TLN2: variants seen among roughly 807,000 people sequenced by gnomAD.
TLN2 encodes the protein talin 2, also known as talin-2.
A neutral mutation model predicts 294.7 loss-of-function variants in TLN2; 118 were observed. That is an observed-to-expected ratio of 0.40 (90% confidence interval 0.34 to 0.47). The LOEUF (loss-of-function observed/expected upper bound fraction) is 0.47. Among genes scored for constraint, TLN2 ranks in the 20% least tolerant of loss-of-function variants. The pLI, the probability that TLN2 is intolerant of heterozygous loss-of-function variation, is 0.84. For synonymous variants in TLN2, 1,431 were observed against 1,304.5 expected, an observed-to-expected ratio of 1.10 and a Z score of -2.09; for missense variants, 3,083 against 3,282.2, an observed-to-expected ratio of 0.94 and a Z score of 1.48.
chr15:62,474,891 C>G (rs1030351752), intron 1 of TLN2, among the ~76,000 whole-genome samples: 18 of 151,894 alleles, frequency 1.2e-4, no homozygotes, highest in Admixed American at 7.2e-4. Flanking sequence ...ATCTCACTCT[C>G]TTGACCCAGA....
intron 1 of TLN2, among the ~76,000 whole-genome samples, chr15:62,433,255 A>G (rs1266118152): frequency 2.0e-5 from 3 of 152,116 alleles, no homozygotes; most frequent in Non-Finnish European, 4.4e-5. Context: ...CCAGGGGACA[A>G]TCTGACACAG....
Position 62,797,395 on chromosome 15 carries a change from A to G in TLN2, c.6227A>G (p.Glu2076Gly). 1 of 1,602,776 alleles carries G rather than the reference A, an allele frequency of 6.2e-7. No homozygotes were observed. Among genetic ancestry groups the G allele is most frequent in the South Asian group, 1.1e-5 (1 of 90,204 alleles). Residue 2076 changes from glutamate (E) to glycine (G), a missense_variant, in exon 48 of 59, where the codon GAG becomes GGG. Physicochemically the swap from Glu to Gly is moderately conservative, Grantham distance 98 (BLOSUM62 -2). Transcript: ENST00000636159. ...GCCAGCCTGGGCTCCGACGACCCCG[A>G]GACCCAGGTACCAGCAGGGCCTGGG... is the stretch of plus-strand genomic sequence containing the variant. Reference protein sequence around the residue: ...GAASLGSDDPETQVVLINAIK... With the variant: ...GAASLGSDDPGTQVVLINAIK...
At position 62,752,290 on chromosome 15, in the gene TLN2, C is replaced by A. The variant is rs374240512; in HGVS notation, c.4210-15C>A. On this transcript the variant is annotated splice_polypyrimidine_tract_variant and intron_variant, in intron 34 of 58. Coordinates refer to ENST00000636159, the MANE Select transcript of TLN2 (RefSeq NM_015059.3). ...AATGCTGGATAGAGAATGTTGCTGG[C>A]CGTTTGTTTTGCAGGTTCTGGGTGA... 2 of 1,613,350 alleles carry A rather than the reference C, an allele frequency of 1.2e-6. No individual in the cohort carries two copies. Among genetic ancestry groups the A allele is most frequent in the East Asian group, 4.5e-5 (2 of 44,824 alleles).
chr15:62,792,493 A>C, intron 45 of TLN2, 148 bp from the exon 46 acceptor site: 1 of 1,106,318 alleles, frequency 9.0e-7, no homozygotes. Context: ...ACCAAATTCC[A>C]TACTTCACCA....
At chr15:62,433,198 G>A (rs551812546) in intron 1 of TLN2, among the ~76,000 whole-genome samples, 5 of 152,196 alleles carry the variant, frequency 3.3e-5, no homozygotes, top group South Asian at 2.1e-4. Context: ...CAGCCTGGGC[G>A]TTTCATTCAG....
intron 35 of TLN2, 65 bp downstream of exon 35, chr15:62,752,492 ACT>A (rs2061991476): frequency 6.4e-7 from 1 of 1,572,380 alleles, no homozygotes; most frequent in African/African-American, 1.4e-5. Flanking sequence ...GTGTGGGGGA[ACT>A]CCAGCTGCAC....
chr15:62,755,797 T>G lies in TLN2; in HGVS notation c.4638+104T>G, dbSNP rs1202362878. 5.6e-6 allele frequency: 8 copies of G among 1,416,052 alleles called. No individual in the cohort carries two copies. In the East Asian group the frequency reaches 1.7e-4, roughly 30 times the overall value. 87.7% of individuals were successfully genotyped at this position (1,416,052 alleles called of 1,614,324 possible). Reference sequence around the variant, plus strand: ...CACTCCTCTCCTTGTCTAGTGAAGCTTAACTTCTAATTCAGTCTTATGGTT... The same window carrying G: ...CACTCCTCTCCTTGTCTAGTGAAGCGTAACTTCTAATTCAGTCTTATGGTT... On this transcript the variant is annotated intron_variant, in intron 37 of 58. Transcript: ENST00000636159.
rs1433503645 is a variant in TLN2, at chr15:62,655,831, A to G, written c.518-113A>G. On this transcript the variant is annotated intron_variant, in intron 7 of 58. Transcript: ENST00000636159. ...AAAATAAGAAATAACTATAACTACT[A>G]TAACTAAGTATCAGAGATACAGAAA... 1.5e-5 allele frequency: 18 copies of G among 1,181,366 alleles called. No individual in the cohort carries two copies. The Admixed American group carries it at 4.0e-4, about 26-fold the overall frequency. The allele number at this position is 1,181,366 out of a possible 1,614,324, so 73.2% of individuals were successfully genotyped here.
chr15:62,761,988 C>T (rs1030511404), intron 38 of TLN2, among the ~76,000 whole-genome samples, 167 bp downstream of exon 38: 2 of 152,190 alleles, frequency 1.3e-5, no homozygotes, highest in Non-Finnish European at 2.9e-5. Flanking sequence ...AATGACTACA[C>T]CTCTGTTGAG....
Position 62,843,684 on chromosome 15 carries a change from G to C in TLN2, c.*3074G>C, listed in dbSNP as rs923788677. On this transcript the variant is annotated 3_prime_UTR_variant, in exon 59 of 59. Transcript: ENST00000636159. ...GTGTGTTTACAGGCAACTAAAGCCT[G>C]TTCCTAATTTATCAAAAAATTATAA... 2 of 152,228 alleles carry C rather than the reference G, an allele frequency of 1.3e-5. No homozygotes were observed. Among genetic ancestry groups the C allele is most frequent in the African/African-American group, 4.8e-5 (2 of 41,462 alleles). The allele number at this position is 152,228 out of a possible 1,614,324, so 9.4% of individuals were successfully genotyped here.
At chr15:62,562,906 T>TCACACACACACACACACACACACACA (rs61578830) in intron 1 of TLN2, among the ~76,000 whole-genome samples, 1 of 99,244 alleles carries the variant, frequency 1.0e-5, no homozygotes, top group African/African-American at 3.8e-5. Context: ...TAGTATTCCA[T>TCACACACACACACACACACACACACA]CACACACACA....
chr15:62,576,484 G>T (rs929753620), intron 1 of TLN2, among the ~76,000 whole-genome samples: 1 of 151,988 alleles, frequency 6.6e-6, no homozygotes, highest in African/African-American at 2.4e-5. Flanking sequence ...GAGTTGTATG[G>T]GGTAGACTGG....
chr15:62,612,363 C>G (rs149071236), intron 2 of TLN2, among the ~76,000 whole-genome samples: 1 of 152,072 alleles, frequency 6.6e-6, no homozygotes, highest in African/African-American at 2.4e-5. Context: ...ATGTTGTTTT[C>G]GTTGCTTTCT....
At chr15:62,407,783 C>T (rs556612264) in intron 1 of TLN2, among the ~76,000 whole-genome samples, 7 of 151,954 alleles carry the variant, frequency 4.6e-5, no homozygotes, top group South Asian at 2.1e-4. Context: ...GGTGTTGTGG[C>T]GGGCGCCTAT....
chr15:62,499,656 C>T (rs1318913306), intron 1 of TLN2, among the ~76,000 whole-genome samples: 2 of 152,058 alleles, frequency 1.3e-5, no homozygotes, highest in Non-Finnish European at 2.9e-5. Flanking sequence ...GGCTGGAGTG[C>T]GATGGCATGA....
At chr15:62,693,018 G>A in intron 13 of TLN2, 77 bp downstream of exon 13, 3 of 1,258,410 alleles carry the variant, frequency 2.4e-6, no homozygotes, top group Admixed American at 2.1e-5. Context: ...TGGCTACCTT[G>A]AAAAAAAAAT....
chr15:62,701,959 T>C, intron 17 of TLN2, 33 bp from the exon 18 acceptor site: 1 of 1,609,478 alleles, frequency 6.2e-7, no homozygotes, highest in Non-Finnish European at 8.5e-7. Context: ...CCATGTGCCC[T>C]CCTTTGATGG....
At chr15:62,750,856 G>A (rs537745062) in intron 34 of TLN2, among the ~76,000 whole-genome samples, 6 of 152,124 alleles carry the variant, frequency 3.9e-5, no homozygotes, top group African/African-American at 9.6e-5. Context: ...AAGTCAAATC[G>A]TGTATTTTCT....
rs769343694 is a variant in TLN2, at chr15:62,708,784, A to G, written c.2455A>G (p.Met819Val). 2 of 1,602,954 alleles carry G rather than the reference A, an allele frequency of 1.2e-6. No homozygotes were observed. The highest frequency in any genetic ancestry group is 1.7e-6 in the Non-Finnish European group (2 of 1,179,324). Residue 819 changes from methionine to valine, a missense_variant, in exon 21 of 59, where the codon ATG (methionine) becomes GTG (valine). Transcript: ENST00000636159. Reference sequence around the variant, plus strand: ...TGTCACCGAGAGCATCTTCAGCTCCATGGGTGACGCTGGTAAGGCACTGTG... The same window carrying G: ...TGTCACCGAGAGCATCTTCAGCTCCGTGGGTGACGCTGGTAAGGCACTGTG... ...MCVTESIFSS[M>V]GDAGEMVRQA...
Sources: gnomAD v4.1 joint callset for allele counts (sites outside exome capture counted in the v4.1 genomes callset) on GRCh38, gnomAD v4.1.1 for gene constraint, MANE v1.5 for transcripts, NCBI Gene and HGNC (gene_info 2026-07-23, HGNC 2026-07-21) for gene names.